Variants in KANK1 observed in about 807,000 individuals in gnomAD.
KANK1 encodes KN motif and ankyrin repeat domain-containing protein 1.
KANK1 carries 109 observed loss-of-function variants against 106.2 expected under a neutral mutation model. The ratio of observed to expected loss-of-function variants is 1.03; its 90% CI spans 0.88 to 1.20. KANK1 has a LOEUF of 1.20. KANK1 is among the 50% of genes most tolerant of loss of function. KANK1 has a pLI of 0.00. For synonymous variants in KANK1, 873 were observed against 652.2 expected (o/e 1.34, Z -5.16); for missense variants, 2,399 against 1,710.7 (o/e 1.40, Z -7.10).
At chr9:653,668 C>G (rs78402722) in intron 1 of KANK1, among the ~76,000 whole-genome samples, 3,712 of 152,180 alleles carry the variant, frequency 0.024, 70 homozygotes, top group African/African-American at 0.047. Flanking sequence ...TGTCCTTTGT[C>G]TTGTGCTCCC....
At chr9:690,456 A>T (rs1017875052) in intron 2 of KANK1, among the ~76,000 whole-genome samples, 1 of 152,172 alleles carries the variant, frequency 6.6e-6, no homozygotes, top group African/African-American at 2.4e-5. Context: ...CATCTGTAAA[A>T]GGCTGAAGTA....
intron 1 of KANK1, among the ~76,000 whole-genome samples, chr9:665,657 A>G (rs928582357): frequency 1.3e-5 from 2 of 152,166 alleles, no homozygotes; most frequent in African/African-American, 2.4e-5. Context: ...TTGTGGTTCC[A>G]TATAAAATTT....
At chr9:559,037 C>T (rs984033394) in intron 1 of KANK1, 6 of 152,146 alleles carry the variant, frequency 3.9e-5, no homozygotes, top group Non-Finnish European at 8.8e-5. Context: ...AATGTGGAAT[C>T]CGTGAATAAT....
Position 713,467 on chromosome 9 carries a change from A to G in KANK1, c.2698+3A>G. 6.3e-7 allele frequency: 1 copy of G among 1,576,798 alleles called. No individual in the cohort carries two copies. Among genetic ancestry groups the G allele is most frequent in the Non-Finnish European group, 8.6e-7 (1 of 1,163,600 alleles). On this transcript the variant is annotated splice_donor_region_variant and intron_variant, in intron 3 of 11. Coordinates refer to ENST00000382297, the MANE Select transcript of KANK1 (RefSeq NM_015158.5). ...AACCAGTCTGGGTAAAATCACAGGT[A>G]GGTGGTACCCTGAGGACCTGGGAAT...
chr9:516,998 T>TACACACACACACACACACACACAC lies in KANK1; in HGVS notation c.-84+12250_-84+12273dup, dbSNP rs148954863. On this transcript the variant is annotated intron_variant, in intron 1 of 11. Transcript: ENST00000382297. ...GTGGTTTCTATTCTTCATCACCCTC[T>TACACACACACACACACACACACAC]ACACACACACACACACACACACACA... Among the ~76,000 whole-genome samples, 466 of 145,540 alleles carry TACACACACACACACACACACACAC rather than the reference T, an allele frequency of 3.2e-3. 8 individuals are homozygous for TACACACACACACACACACACACAC. The highest frequency in any genetic ancestry group is 0.015 in the East Asian group (75 of 4,896).
intron 1 of KANK1, among the ~76,000 whole-genome samples, chr9:564,498 T>C (rs542213167): frequency 7.2e-5 from 11 of 152,340 alleles, no homozygotes; most frequent in African/African-American, 2.6e-4. Flanking sequence ...CATATCTCTA[T>C]TGAGGATATA....
chr9:661,435 C>T (rs1294894095), intron 1 of KANK1, among the ~76,000 whole-genome samples: 1 of 152,124 alleles, frequency 6.6e-6, no homozygotes, highest in Non-Finnish European at 1.5e-5. Context: ...TCATCCATGT[C>T]CCTACAAAGG....
In KANK1 at chr9:688,057, C is replaced by T. The variant is rs182185959; in HGVS notation, c.37+11048C>T. Among the ~76,000 whole-genome samples the T allele has an allele frequency of 1.7e-3, 254 of 152,290 alleles. 3 individuals carry two copies. Among genetic ancestry groups the T allele is most frequent in the African/African-American group, 5.9e-3 (245 of 41,540 alleles). ...GTCAAAAATCAGGCCCAGCACCTGC[C>T]TAAGAATTTGTGGGCCTGAGCCCTG... On this transcript the variant is annotated intron_variant, in intron 2 of 11. Transcript: ENST00000382297.
intron 2 of KANK1, among the ~76,000 whole-genome samples, chr9:681,494 G>A (rs534952176): frequency 1.3e-5 from 2 of 152,266 alleles, no homozygotes; most frequent in East Asian, 3.9e-4. Context: ...TTTAATTAGA[G>A]CTTAGATATG....
intron 1 of KANK1, among the ~76,000 whole-genome samples, chr9:554,488 G>A (rs1182369792): frequency 6.6e-6 from 1 of 152,224 alleles, no homozygotes; most frequent in East Asian, 1.9e-4. Context: ...TTTGTGGCCA[G>A]TGCTTATTTA....
intron 1 of KANK1, among the ~76,000 whole-genome samples, chr9:649,308 C>G (rs904968569): frequency 6.6e-6 from 1 of 152,122 alleles, no homozygotes; most frequent in African/African-American, 2.4e-5. Flanking sequence ...TCTCTTGTCC[C>G]TACATCCCAT....
At chr9:677,685 T>C (rs1816679535) in intron 2 of KANK1, 1 of 152,214 alleles carries the variant, frequency 6.6e-6, no homozygotes. Flanking sequence ...ATTTCTTTTT[T>C]GAGTTATGTG....
intron 1 of KANK1, among the ~76,000 whole-genome samples, chr9:645,057 G>A (rs1839340211): frequency 7.0e-6 from 1 of 143,330 alleles, no homozygotes; most frequent in African/African-American, 2.7e-5. Flanking sequence ...CTGGGAGGCA[G>A]AGGTTGCAGT....
At chr9:693,351 G>C (rs1469358381) in intron 2 of KANK1, 2 of 978,454 alleles carry the variant, frequency 2.0e-6, no homozygotes, top group African/African-American at 1.8e-5. Context: ...TGCAGTGGAG[G>C]GTTAGGGAAA....
Position 620,993 on chromosome 9 carries a change from C to G in KANK1, c.-83-55897C>G, listed in dbSNP as rs188543479. Among the ~76,000 whole-genome samples the G allele has an allele frequency of 2.6e-5, 4 of 152,266 alleles. No homozygotes were observed. The East Asian group carries it at 5.8e-4, about 22-fold the overall frequency. On this transcript the variant is annotated intron_variant, in intron 1 of 11. Transcript: ENST00000382297. ...AGTTAAGCCTCTTGAATCAAATTCTCTAATTTATTATCTCCCATCTGATCT... is the reference window on the plus strand; with the variant it reads ...AGTTAAGCCTCTTGAATCAAATTCTGTAATTTATTATCTCCCATCTGATCT...
intron 1 of KANK1, among the ~76,000 whole-genome samples, chr9:615,796 A>G (rs1831673543): frequency 1.3e-5 from 2 of 152,232 alleles, no homozygotes; most frequent in South Asian, 2.1e-4. Flanking sequence ...GGAGATCCCA[A>G]GTGATACCTA....
intron 1 of KANK1, among the ~76,000 whole-genome samples, chr9:639,728 A>G (rs754217815): frequency 5.9e-5 from 9 of 152,162 alleles, no homozygotes; most frequent in Non-Finnish European, 1.2e-4. Context: ...ACAAAATGCT[A>G]CAGACTGTGT....
intron 1 of KANK1, chr9:549,229 C>T (rs948568357): frequency 6.6e-6 from 1 of 152,382 alleles, no homozygotes; most frequent in African/African-American, 2.4e-5. Context: ...AGACCCCCTC[C>T]CAGAACCTTC....
intron 1 of KANK1, among the ~76,000 whole-genome samples, chr9:661,023 G>A (rs1843178350): frequency 6.6e-6 from 1 of 152,206 alleles, no homozygotes; most frequent in Non-Finnish European, 1.5e-5. Context: ...TGTAGAGCTT[G>A]CAACTTAATG....
Sources: allele counts gnomAD v4.1 joint callset (sites outside exome capture counted in the v4.1 genomes callset), GRCh38; gene constraint gnomAD v4.1.1; transcripts MANE v1.5; gene names NCBI Gene and HGNC (gene_info 2026-07-23, HGNC 2026-07-21).